Variants in AKAP7 observed in about 807,000 individuals in gnomAD.
AKAP7 encodes the protein A-kinase anchoring protein 7.
Under a neutral mutation model 39.5 loss-of-function variants are expected in AKAP7, and 39 were observed. The ratio of observed to expected loss-of-function variants is 0.99; its 90% CI spans 0.76 to 1.29. The LOEUF (loss-of-function observed/expected upper bound fraction) is 1.29, where lower values mean the gene tolerates loss of function less well. AKAP7 is among the 50% of genes most tolerant of loss of function. The pLI is 0.00. For missense variants in AKAP7, 414 were observed against 407.7 expected (o/e 1.02, Z -0.13); for synonymous variants, 140 against 139.1 (o/e 1.01, Z -0.05).
intron 6 of AKAP7, among the ~76,000 whole-genome samples, chr6:131,215,310 C>T (rs1038326956): frequency 4.6e-5 from 7 of 152,234 alleles, no homozygotes; most frequent in South Asian, 2.1e-4. Flanking sequence ...TGGCCCAGAG[C>T]GGCCAGAGGA....
rs1458652434 is a variant in AKAP7, at chr6:131,182,223, T to C, written c.589+12950T>C. On this transcript the variant is annotated intron_variant, in intron 5 of 7. Coordinates refer to ENST00000431975, the MANE Select transcript of AKAP7 (RefSeq NM_016377.4). ...ACATAGTTCAGTAGTGTTAAGTATA[T>C]TCACATTATTGTGCAACCAATCTAC... Among the ~76,000 whole-genome samples, 3 of 152,228 alleles carry C rather than the reference T, an allele frequency of 2.0e-5. No individual in the cohort carries two copies. The East Asian group carries it at 5.8e-4, about 29-fold the overall frequency.
At chr6:131,158,484 C>G (rs1802619926) in intron 2 of AKAP7, among the ~76,000 whole-genome samples, 1 of 152,098 alleles carries the variant, frequency 6.6e-6, no homozygotes, top group South Asian at 2.1e-4. Flanking sequence ...TTCACAAAGT[C>G]TCTGTGAGGT....
At chr6:131,237,464 T>A (rs1585149493) in intron 7 of AKAP7, among the ~76,000 whole-genome samples, 1 of 152,194 alleles carries the variant, frequency 6.6e-6, no homozygotes, top group Non-Finnish European at 1.5e-5. Flanking sequence ...TTGATTGGAA[T>A]AATTTCAGAA....
At chr6:131,184,640 C>T in intron 5 of AKAP7, 1 of 762,742 alleles carries the variant, frequency 1.3e-6, no homozygotes, top group South Asian at 1.4e-5. Context: ...TCAGGTTGTC[C>T]CATCTTCTTG....
chr6:131,169,424 G>T, intron 5 of AKAP7, 151 bp downstream of exon 5: 1 of 866,130 alleles, frequency 1.2e-6, no homozygotes, highest in Middle Eastern at 2.6e-4. Flanking sequence ...AAGTCTGAAG[G>T]ATTTCAGTGC....
At chr6:131,194,186 C>T (rs1359380370) in intron 5 of AKAP7, among the ~76,000 whole-genome samples, 1 of 151,696 alleles carries the variant, frequency 6.6e-6, no homozygotes, top group Non-Finnish European at 1.5e-5. Context: ...AATAAAATTC[C>T]CTCTTAGCAT....
intron 2 of AKAP7, among the ~76,000 whole-genome samples, chr6:131,152,371 AAAAAT>A (rs1801991935): frequency 1.3e-5 from 2 of 152,188 alleles, no homozygotes; most frequent in African/African-American, 4.8e-5. Flanking sequence ...ATATGAAACT[AAAAAT>A]AAAGAATAAT....
intron 5 of AKAP7, among the ~76,000 whole-genome samples, chr6:131,193,556 T>C (rs1243126383): frequency 6.6e-6 from 1 of 152,162 alleles, no homozygotes; most frequent in African/African-American, 2.4e-5. Flanking sequence ...GATATCAGGG[T>C]AATACTGGTC....
At chr6:131,178,590 A>G (rs1804799546) in intron 5 of AKAP7, among the ~76,000 whole-genome samples, 1 of 152,184 alleles carries the variant, frequency 6.6e-6, no homozygotes, top group Admixed American at 6.5e-5. Context: ...TCTAGTTGCC[A>G]TTTACTTCGT....
At chr6:131,126,486 A>G in the AKAP7 span, among the ~76,000 whole-genome samples, 9 of 152,238 alleles carry the variant, frequency 5.9e-5, no homozygotes, top group Middle Eastern at 6.8e-3. Context: ...AACCTCCAAA[A>G]TCTCCATCCT....
intron 7 of AKAP7, among the ~76,000 whole-genome samples, chr6:131,226,554 G>C (rs2128302716): frequency 6.6e-6 from 1 of 152,330 alleles, no homozygotes; most frequent in Non-Finnish European, 1.5e-5. Flanking sequence ...TATGAAAGCT[G>C]TTCTCTGTGA....
At chr6:131,155,940 C>T (rs1443370290) in intron 2 of AKAP7, among the ~76,000 whole-genome samples, 1 of 152,188 alleles carries the variant, frequency 6.6e-6, no homozygotes, top group African/African-American at 2.4e-5. Flanking sequence ...GACCTGGAAT[C>T]AGCTCTTTCT....
At chr6:131,262,171 T>A (rs1245462085) in intron 7 of AKAP7, among the ~76,000 whole-genome samples, 1 of 152,234 alleles carries the variant, frequency 6.6e-6, no homozygotes. Context: ...TAGAGCCATC[T>A]GCTATTGGAA....
chr6:131,223,526 A>G (rs1043199331), intron 7 of AKAP7, among the ~76,000 whole-genome samples: 8 of 152,216 alleles, frequency 5.3e-5, no homozygotes, highest in African/African-American at 1.9e-4. Context: ...GTCTATTTTA[A>G]GGAGAATTTT....
chr6:131,146,361 A>G (rs959631473), intron 2 of AKAP7, among the ~76,000 whole-genome samples: 1 of 152,174 alleles, frequency 6.6e-6, no homozygotes, highest in Non-Finnish European at 1.5e-5. Flanking sequence ...TGTTCTTAAC[A>G]CTTTGGGAGG....
At chr6:131,243,496 A>G (rs1401756900) in intron 7 of AKAP7, among the ~76,000 whole-genome samples, 3 of 152,176 alleles carry the variant, frequency 2.0e-5, no homozygotes, top group South Asian at 4.1e-4. Flanking sequence ...ATTTAACAGC[A>G]TTTTATCTGG....
intron 7 of AKAP7, among the ~76,000 whole-genome samples, chr6:131,252,564 T>G (rs1037162121): frequency 2.2e-4 from 33 of 152,220 alleles, no homozygotes; most frequent in South Asian, 4.1e-4. Context: ...AAAGATAGGC[T>G]TCTGTGCCAG....
intron 7 of AKAP7, among the ~76,000 whole-genome samples, chr6:131,257,297 A>G (rs1194318185): frequency 6.7e-6 from 1 of 148,932 alleles, no homozygotes; most frequent in African/African-American, 2.5e-5. Context: ...AGTCCCAACT[A>G]CTCGGGAGGC....
At chr6:131,258,314 C>A (rs1310847093) in intron 7 of AKAP7, among the ~76,000 whole-genome samples, 1 of 152,126 alleles carries the variant, frequency 6.6e-6, no homozygotes, top group Non-Finnish European at 1.5e-5. Flanking sequence ...ATCTGTGAGA[C>A]CTCAAAGTTT....
Sources: allele counts gnomAD v4.1 joint callset (sites outside exome capture counted in the v4.1 genomes callset), GRCh38; gene constraint gnomAD v4.1.1; transcripts MANE v1.5; gene names NCBI Gene and HGNC (gene_info 2026-07-23, HGNC 2026-07-21).